MAEL: variants seen among roughly 807,000 people sequenced by gnomAD.
MAEL encodes the protein protein maelstrom homolog.
Under a neutral mutation model 62.0 loss-of-function variants are expected in MAEL, and 46 were observed. That is an observed-to-expected ratio of 0.74 (90% CI 0.59 to 0.95). MAEL has a LOEUF of 0.95. Ranked by LOEUF, MAEL falls within the 40% of genes least tolerant of loss-of-function variation. MAEL has a pLI of 0.00. For missense variants in MAEL, 497 were observed against 526.8 expected, an observed-to-expected ratio of 0.94 and a Z score of 0.55; for synonymous variants, 172 against 175.5, an observed-to-expected ratio of 0.98 and a Z score of 0.16.
upstream of MAEL, among the ~76,000 whole-genome samples, chr1:166,987,988 CAT>C (rs907919985): frequency 6.6e-6 from 1 of 152,172 alleles, no homozygotes; most frequent in Non-Finnish European, 1.5e-5. Context: ...AGCAAAGCCT[CAT>C]GATCAACAAT....
At chr1:166,978,285 CCATCCT>C (rs1663654724) in intron 1 of MAEL, among the ~76,000 whole-genome samples, 1 of 152,106 alleles carries the variant, frequency 6.6e-6, no homozygotes. Context: ...GGCGCCCAGG[CCATCCT>C]GAAGGGGATG....
At chr1:167,001,844 T>C (rs1664682913) in intron 5 of MAEL, among the ~76,000 whole-genome samples, 1 of 152,220 alleles carries the variant, frequency 6.6e-6, no homozygotes, top group Non-Finnish European at 1.5e-5. Context: ...TGCAGTGGCA[T>C]GATCTCAGCT....
rs780637064 is a variant in MAEL, at chr1:166,991,487, T to C, written c.325+10T>C. ...TTAAAAGGTGATCAAGGTAGAGTAATCCTGAAATATTTTGCTGAGATAAAT... is the reference window on the plus strand; with the variant it reads ...TTAAAAGGTGATCAAGGTAGAGTAACCCTGAAATATTTTGCTGAGATAAAT... On this transcript the variant is annotated intron_variant, in intron 3 of 11. Coordinates refer to ENST00000367872, the MANE Select transcript of MAEL (RefSeq NM_032858.3). The C allele has an allele frequency of 1.3e-6, 2 of 1,546,750 alleles. No individual in the cohort carries two copies. The highest frequency in any genetic ancestry group is 2.2e-5 in the South Asian group (2 of 89,584).
intron 5 of MAEL, among the ~76,000 whole-genome samples, chr1:166,997,213 A>AC (rs1664467803): frequency 6.6e-6 from 1 of 152,388 alleles, no homozygotes; most frequent in African/African-American, 2.4e-5. Flanking sequence ...AAACAAACAA[A>AC]AATCACAAAA....
intron 10 of MAEL, among the ~76,000 whole-genome samples, chr1:167,019,014 C>T (rs1050875096): frequency 5.9e-5 from 9 of 152,106 alleles, no homozygotes; most frequent in Non-Finnish European, 1.3e-4. Flanking sequence ...AAAATAAAAA[C>T]GGAAGGACTT....
intron 8 of MAEL, among the ~76,000 whole-genome samples, chr1:167,009,830 T>C (rs1044716383): frequency 6.6e-6 from 1 of 152,162 alleles, no homozygotes; most frequent in Admixed American, 6.5e-5. Flanking sequence ...AGTTCTTTTC[T>C]GTAATGTTTT....
upstream of MAEL, among the ~76,000 whole-genome samples, chr1:166,985,001 A>G (rs1227066889): frequency 6.6e-6 from 1 of 152,226 alleles, no homozygotes; most frequent in African/African-American, 2.4e-5. Context: ...TGTATCCAGT[A>G]GCTTGAAACA....
intron 1 of MAEL, among the ~76,000 whole-genome samples, chr1:166,980,554 G>A (rs574143407): frequency 1.8e-4 from 28 of 152,126 alleles, no homozygotes; most frequent in Non-Finnish European, 3.5e-4. Flanking sequence ...TGTCTCATTC[G>A]TGAGCAGTTA....
intron 1 of MAEL, among the ~76,000 whole-genome samples, chr1:166,977,967 T>C (rs2102054845): frequency 6.6e-6 from 1 of 152,274 alleles, no homozygotes; most frequent in Non-Finnish European, 1.5e-5. Flanking sequence ...AATGGCATTT[T>C]ATGCAAAACT....
chr1:166,999,000 C>G (rs1664548144), intron 5 of MAEL, among the ~76,000 whole-genome samples: 1 of 152,080 alleles, frequency 6.6e-6, no homozygotes, highest in South Asian at 2.1e-4. Context: ...TGTATGTGTT[C>G]TGACTGCTCC....
rs539815831 is a variant in MAEL at position 167,018,267 on chromosome 1, T to C, written c.1041+308T>C. 3.9e-5 allele frequency among the ~76,000 whole-genome samples: 6 copies of C among 152,312 alleles called. No homozygotes were observed. In the East Asian group the frequency reaches 1.2e-3, roughly 29 times the overall value. ...ATTAAATATCTGAATGTAAGTAATATAAATATTCTAAACATCTACCTCAAA... is the reference window on the plus strand; with the variant it reads ...ATTAAATATCTGAATGTAAGTAATACAAATATTCTAAACATCTACCTCAAA... On this transcript the variant is annotated intron_variant, in intron 10 of 11. Transcript: ENST00000367872.
chr1:167,009,720 C>G (rs984628778), intron 8 of MAEL, among the ~76,000 whole-genome samples: 9 of 151,680 alleles, frequency 5.9e-5, no homozygotes, highest in Non-Finnish European at 1.2e-4. Flanking sequence ...TTTTTCTGAC[C>G]CTTTTTACTT....
intron 1 of MAEL, among the ~76,000 whole-genome samples, chr1:166,981,907 C>T (rs1248543177): frequency 6.6e-6 from 1 of 152,184 alleles, no homozygotes; most frequent in Non-Finnish European, 1.5e-5. Context: ...AAGATCAGAC[C>T]TGTGTCCCAA....
chr1:166,983,773 A>G (rs1663831916), intron 1 of MAEL, among the ~76,000 whole-genome samples: 1 of 152,040 alleles, frequency 6.6e-6, no homozygotes, highest in African/African-American at 2.4e-5. Flanking sequence ...AGGCTGAGAC[A>G]GGCAGATCAC....
In MAEL at chr1:166,989,760, G is replaced by A. The variant is rs750232432; in HGVS notation, c.156G>A (p.Glu52=). 6 of 1,614,016 alleles carry A rather than the reference G, an allele frequency of 3.7e-6. No individual in the cohort carries two copies. In the South Asian group the frequency reaches 6.6e-5, roughly 18 times the overall value. Residue 52 remains glutamate, a synonymous_variant, in exon 2 of 12, where the codon GAG becomes GAA. Coordinates refer to ENST00000367872, the MANE Select transcript of MAEL (RefSeq NM_032858.3). ...AGCTTCTGAGGGAGGAAGAAAAGGA[G>A]AAATACGCAGAAATGGCTCGAGAAT... The part of the protein sequence containing the change: ...DWALLREEEK[E]KYAEMAREWR...
intron 1 of MAEL, among the ~76,000 whole-genome samples, chr1:166,982,336 C>T (rs1224027220): frequency 3.3e-5 from 5 of 152,176 alleles, no homozygotes; most frequent in African/African-American, 9.7e-5. Context: ...GTGGAAGTCA[C>T]TTCACCACTC....
intron 8 of MAEL, among the ~76,000 whole-genome samples, chr1:167,008,022 G>A (rs780180471): frequency 2.4e-4 from 37 of 151,484 alleles, no homozygotes; most frequent in Non-Finnish European, 3.4e-4. Context: ...AAGCATTTCC[G>A]TTTTGTAAAC....
chr1:167,006,601 CTATATATATATATATA>C lies in MAEL; in HGVS notation c.845+1225_845+1240del, dbSNP rs200881169. ...CTATTGGAAAGTTACTGGTTTTTTA[CTATATATATATATATA>C]TATATATATATATATATATACATTT... On this transcript the variant is annotated intron_variant, in intron 8 of 11. Transcript: ENST00000367872. Among the ~76,000 whole-genome samples the C allele has an allele frequency of 5.0e-3, 486 of 98,056 alleles. 9 individuals carry two copies. The highest frequency in any genetic ancestry group is 7.9e-3 in the South Asian group (21 of 2,668). 64.3% of individuals were successfully genotyped at this position (98,056 alleles called of 152,430 possible). A position where few individuals can be genotyped will look rare whatever the true frequency, so the allele number is the denominator to read the frequency against.
chr1:166,981,990 G>C (rs948066582), intron 1 of MAEL, among the ~76,000 whole-genome samples: 1 of 152,182 alleles, frequency 6.6e-6, no homozygotes, highest in Non-Finnish European at 1.5e-5. Flanking sequence ...TCTCTTCCAT[G>C]GGAGAGCTCA....
Sources: gnomAD v4.1 joint callset for allele counts (sites outside exome capture counted in the v4.1 genomes callset) on GRCh38, gnomAD v4.1.1 for gene constraint, MANE v1.5 for transcripts, NCBI Gene and HGNC (gene_info 2026-07-23, HGNC 2026-07-21) for gene names.